RIMS1: variants seen among roughly 807,000 people sequenced by gnomAD.
RIMS1 encodes the protein regulating synaptic membrane exocytosis 1.
Under a neutral mutation model 214.1 loss-of-function variants are expected in RIMS1, and 83 were observed. The ratio of observed to expected loss-of-function variants is 0.39; its 90% CI spans 0.32 to 0.47. The LOEUF is 0.47. RIMS1 is among the 20% of genes least tolerant of loss of function. RIMS1 has a pLI of 0.99. For missense variants in RIMS1, 2,050 were observed against 2,161.8 expected (o/e 0.95, Z 1.03); for synonymous variants, 793 against 786.8 (o/e 1.01, Z -0.13).
intron 2 of RIMS1, among the ~76,000 whole-genome samples, chr6:72,049,394 C>G (rs886551881): frequency 2.6e-5 from 4 of 152,106 alleles, no homozygotes. Context: ...ATTACAGAAG[C>G]ATCCATCACA....
At chr6:72,313,894 G>T (rs546852704) in intron 28 of RIMS1, among the ~76,000 whole-genome samples, 1 of 152,152 alleles carries the variant, frequency 6.6e-6, no homozygotes, top group African/African-American at 2.4e-5. Context: ...AGTCACATTT[G>T]TAGTAGTTTC....
intron 1 of RIMS1, among the ~76,000 whole-genome samples, chr6:71,902,835 T>G (rs138165169): frequency 1.2e-4 from 18 of 152,148 alleles, no homozygotes; most frequent in East Asian, 1.2e-3. Flanking sequence ...GCTCCATCCA[T>G]GTACCTGCAA....
chr6:72,012,476 T>A (rs1811111483), intron 2 of RIMS1, among the ~76,000 whole-genome samples: 1 of 151,926 alleles, frequency 6.6e-6, no homozygotes, highest in African/African-American at 2.4e-5. Context: ...ACTTAAAGTA[T>A]AATAAAAAAA....
At chr6:72,030,928 G>A (rs1042036284) in intron 2 of RIMS1, among the ~76,000 whole-genome samples, 7 of 152,128 alleles carry the variant, frequency 4.6e-5, no homozygotes, top group African/African-American at 1.7e-4. Flanking sequence ...AGAAGGAATT[G>A]AAACATACTT....
chr6:71,950,948 G>A (rs1259759851), intron 1 of RIMS1, among the ~76,000 whole-genome samples: 2 of 152,104 alleles, frequency 1.3e-5, no homozygotes, highest in Non-Finnish European at 2.9e-5. Context: ...GACAAAGAAA[G>A]CCAGCATTTT....
intron 6 of RIMS1, among the ~76,000 whole-genome samples, chr6:72,186,785 C>CCG (rs907058609): frequency 8.6e-5 from 13 of 151,582 alleles, no homozygotes; most frequent in Non-Finnish European, 1.8e-4. Flanking sequence ...ATGTACCCCC[C>CCG]CCCATATATA....
At chr6:72,224,647 A>G (rs960619255) in intron 6 of RIMS1, among the ~76,000 whole-genome samples, 17 of 152,238 alleles carry the variant, frequency 1.1e-4, no homozygotes, top group East Asian at 1.9e-4. Context: ...TCTTGAGTCA[A>G]TAAGTTAGTC....
intron 2 of RIMS1, among the ~76,000 whole-genome samples, chr6:71,972,912 A>T (rs1463848414): frequency 2.0e-5 from 3 of 151,928 alleles, no homozygotes; most frequent in Non-Finnish European, 4.4e-5. Flanking sequence ...AGTAATACGG[A>T]TTTTTTGTTT....
chr6:72,337,772 G>A (rs1231439525), intron 29 of RIMS1, among the ~76,000 whole-genome samples: 3 of 124,932 alleles, frequency 2.4e-5, no homozygotes, highest in African/African-American at 9.5e-5. Flanking sequence ...CCTGGTGTGT[G>A]ATGTTCCCCT....
chr6:72,070,373 T>TTATTATTCCTTA (rs1361728797), intron 2 of RIMS1, among the ~76,000 whole-genome samples: 1 of 152,180 alleles, frequency 6.6e-6, no homozygotes, highest in African/African-American at 2.4e-5. Flanking sequence ...AATAATACAA[T>TTATTATTCCTTA]GGTATTAGCC....
chr6:72,127,201 C>A (rs569558493), intron 4 of RIMS1, among the ~76,000 whole-genome samples: 18 of 152,154 alleles, frequency 1.2e-4, no homozygotes, highest in Non-Finnish European at 1.9e-4. Context: ...CTCTTTTCAG[C>A]AAAAGGAAAA....
chr6:72,162,435 G>A lies in RIMS1; in HGVS notation c.472-17140G>A, dbSNP rs1386133610. Among the ~76,000 whole-genome samples, 13 of 140,758 alleles carry A rather than the reference G, an allele frequency of 9.2e-5. 3 individuals carry two copies. Among genetic ancestry groups the A allele is most frequent in the Non-Finnish European group, 2.1e-4 (13 of 62,010 alleles). The allele number at this position is 140,758 out of a possible 152,430, so 92.3% of individuals were successfully genotyped here. On this transcript the variant is annotated intron_variant, in intron 4 of 33. Coordinates refer to ENST00000521978, the MANE Select transcript of RIMS1 (RefSeq NM_014989.7). ...ATGAATTTGATCCTGTCATTATGAT[G>A]TTAGCTGGTTATTTTGCTTGTTAGT... is the stretch of plus-strand genomic sequence containing the variant.
At chr6:72,123,362 T>C (rs1294990536) in intron 4 of RIMS1, among the ~76,000 whole-genome samples, 1 of 151,952 alleles carries the variant, frequency 6.6e-6, no homozygotes, top group African/African-American at 2.4e-5. Flanking sequence ...TCTGTTCTTT[T>C]ACATTTGCTG....
chr6:72,089,674 T>C (rs1835638797), intron 2 of RIMS1, among the ~76,000 whole-genome samples: 2 of 151,622 alleles, frequency 1.3e-5, no homozygotes, highest in Non-Finnish European at 2.9e-5. Context: ...ACTGGGTATA[T>C]ACCCAAATGA....
intron 2 of RIMS1, among the ~76,000 whole-genome samples, chr6:72,005,152 C>G (rs886172347): frequency 2.0e-5 from 3 of 152,106 alleles, no homozygotes; most frequent in African/African-American, 4.8e-5. Context: ...GCTTGTTTTT[C>G]TCAGCTGTGT....
intron 2 of RIMS1, among the ~76,000 whole-genome samples, chr6:72,085,286 G>T (rs765328570): frequency 2.6e-5 from 4 of 152,048 alleles, no homozygotes; most frequent in Non-Finnish European, 4.4e-5. Flanking sequence ...AACATCTGGG[G>T]TAAATTTCTG....
chr6:71,932,796 G>C (rs1018533502), intron 1 of RIMS1, among the ~76,000 whole-genome samples: 1 of 152,070 alleles, frequency 6.6e-6, no homozygotes, highest in South Asian at 2.1e-4. Flanking sequence ...TGTGGAGTGA[G>C]ATTGGGAAGT....
At chr6:72,261,855 T>TATTAG in intron 19 of RIMS1, 4 of 985,220 alleles carry the variant, frequency 4.1e-6, no homozygotes, top group Non-Finnish European at 4.8e-6. Context: ...ATCGAGGAAA[T>TATTAG]ATTAGTTCTG....
intron 25 of RIMS1, among the ~76,000 whole-genome samples, chr6:72,291,111 T>C (rs191947152): frequency 2.0e-5 from 3 of 152,338 alleles, no homozygotes; most frequent in African/African-American, 7.2e-5. Flanking sequence ...TGTCCTTTCA[T>C]CTGTTTGTGG....
Sources: gnomAD v4.1 joint callset for allele counts (sites outside exome capture counted in the v4.1 genomes callset) on GRCh38, gnomAD v4.1.1 for gene constraint, MANE v1.5 for transcripts, NCBI Gene and HGNC (gene_info 2026-07-23, HGNC 2026-07-21) for gene names.